TPGS2: variants seen among roughly 807,000 people sequenced by gnomAD.
TPGS2 encodes tubulin polyglutamylase complex subunit 2.
In TPGS2, 26 loss-of-function variants were observed where a neutral mutation model predicts 31.1. The ratio of observed to expected loss-of-function variants is 0.84; its 90% CI spans 0.61 to 1.16. The LOEUF is 1.16. Ranked by LOEUF, TPGS2 falls within the 50% of genes most tolerant of loss-of-function variation. The probability of loss-of-function intolerance (pLI) is 0.00; values close to 1 mark genes in which losing one functional copy is unlikely to be tolerated. For synonymous variants in TPGS2, 130 were observed against 136.6 expected, an observed-to-expected ratio of 0.95 and a Z score of 0.34; for missense variants, 351 against 363.8, an observed-to-expected ratio of 0.96 and a Z score of 0.29.
chr18:36,810,967 A>C (rs1433937043), intron 2 of TPGS2, among the ~76,000 whole-genome samples: 1 of 152,160 alleles, frequency 6.6e-6, no homozygotes, highest in African/African-American at 2.4e-5. Context: ...TTTAGAGGCC[A>C]CTTCCCAACT....
At chr18:36,822,308 C>T (rs2045929757) in intron 1 of TPGS2, among the ~76,000 whole-genome samples, 1 of 152,202 alleles carries the variant, frequency 6.6e-6, no homozygotes, top group Non-Finnish European at 1.5e-5. Context: ...AGAGGGAACA[C>T]TTCAGAAGCC....
At chr18:36,809,960 A>G (rs1425504015) in intron 2 of TPGS2, among the ~76,000 whole-genome samples, 1 of 152,218 alleles carries the variant, frequency 6.6e-6, no homozygotes, top group African/African-American at 2.4e-5. Context: ...TTTTATACCA[A>G]TATTTTTTAC....
rs2044532407 is a variant in TPGS2, at chr18:36,796,517, G to GT, written c.*287_*288insA. 8.2e-7 allele frequency: 1 copy of GT among 1,220,810 alleles called. No homozygotes were observed. 75.6% of individuals were successfully genotyped at this position (1,220,810 alleles called of 1,614,324 possible). ...ACCTCTCTAATCAATCAGTGCTAAG[G>GT]GATTGAGGGTTGAGTGTTGAAGAAG... On this transcript the variant is annotated 3_prime_UTR_variant, in exon 7 of 7. Coordinates refer to ENST00000334295, the MANE Select transcript of TPGS2 (RefSeq NM_015476.4).
chr18:36,819,524 C>T (rs1014716587), intron 1 of TPGS2, among the ~76,000 whole-genome samples: 9 of 152,114 alleles, frequency 5.9e-5, no homozygotes, highest in Non-Finnish European at 7.4e-5. Flanking sequence ...ATCCTTGAAG[C>T]GGGAAAAGGT....
Position 36,797,816 on chromosome 18 carries a change from C to A in TPGS2, c.657+633G>T, listed in dbSNP as rs1342294193. 2.6e-5 allele frequency among the ~76,000 whole-genome samples: 4 copies of A among 151,900 alleles called. No homozygotes were observed. In the East Asian group the frequency reaches 7.7e-4, roughly 29 times the overall value. ...AGGTTGTATACCTGGCATCTGTATG[C>A]CTGAAATGGTGACCAGACCTGTAAT... On this transcript the variant is annotated intron_variant, in intron 6 of 6. Transcript: ENST00000334295.
At chr18:36,791,133 A>G (rs1051739712), downstream of TPGS2, among the ~76,000 whole-genome samples, 1 of 152,068 alleles carries the variant, frequency 6.6e-6, no homozygotes, top group Non-Finnish European at 1.5e-5. Flanking sequence ...TCCTCCAGCC[A>G]TGTAAGATGT....
chr18:36,798,659 T>C, intron 5 of TPGS2, 50 bp from the exon 6 acceptor site: 1 of 1,581,850 alleles, frequency 6.3e-7, no homozygotes, highest in Non-Finnish European at 8.6e-7. Flanking sequence ...CTTAACAGTT[T>C]TTTCTTTTTA....
At chr18:36,824,237 A>G (rs2046034143) in intron 1 of TPGS2, among the ~76,000 whole-genome samples, 1 of 152,230 alleles carries the variant, frequency 6.6e-6, no homozygotes, top group South Asian at 2.1e-4. Context: ...ATATGGATAT[A>G]TCACATTTTA....
chr18:36,792,316 C>T (rs903421800), downstream of TPGS2, among the ~76,000 whole-genome samples: 5 of 152,140 alleles, frequency 3.3e-5, no homozygotes, highest in South Asian at 2.1e-4. Context: ...GGTCTACCTA[C>T]GGCATGCCTG....
chr18:36,823,043 GT>G (rs1414410293), intron 1 of TPGS2, among the ~76,000 whole-genome samples: 3 of 152,176 alleles, frequency 2.0e-5, no homozygotes, highest in Non-Finnish European at 2.9e-5. Context: ...TTGGGGGAAT[GT>G]TTTATATTGC....
chr18:36,783,351 C>T (rs543694766), intron 6 of TPGS2, among the ~76,000 whole-genome samples: 45 of 152,296 alleles, frequency 3.0e-4, no homozygotes, highest in African/African-American at 1.1e-3. Flanking sequence ...TATTCCTCAT[C>T]TGCCTGGTAA....
At chr18:36,784,183 C>A (rs1292345254) in intron 6 of TPGS2, among the ~76,000 whole-genome samples, 2 of 152,222 alleles carry the variant, frequency 1.3e-5, no homozygotes, top group Admixed American at 1.3e-4. Context: ...TTGTTATAAA[C>A]CACCAAGCTT....
At chr18:36,820,410 G>C (rs369376742) in intron 1 of TPGS2, among the ~76,000 whole-genome samples, 2 of 152,164 alleles carry the variant, frequency 1.3e-5, no homozygotes, top group South Asian at 4.1e-4. Context: ...CCAACATGTT[G>C]ACTTTAATAA....
chr18:36,788,859 C>A (rs757046381), intron 6 of TPGS2: 2 of 152,092 alleles, frequency 1.3e-5, no homozygotes, highest in Non-Finnish European at 2.9e-5. Context: ...AATGTTATTT[C>A]TTGAACAATT....
At chr18:36,820,323 C>T (rs1172959731) in intron 1 of TPGS2, among the ~76,000 whole-genome samples, 2 of 152,140 alleles carry the variant, frequency 1.3e-5, no homozygotes, top group East Asian at 1.9e-4. Context: ...TAGGTTCAGA[C>T]AAAACTACTG....
chr18:36,798,434 G>C lies in TPGS2; in HGVS notation c.657+15C>G, dbSNP rs547693923. The C allele has an allele frequency of 6.2e-7, 1 of 1,614,080 alleles. No individual in the cohort carries two copies. Among genetic ancestry groups the C allele is most frequent in the Admixed American group, 1.7e-5 (1 of 60,008 alleles). On this transcript the variant is annotated intron_variant, in intron 6 of 6. Coordinates refer to ENST00000334295, the MANE Select transcript of TPGS2 (RefSeq NM_015476.4). ...AATATACCATAGTTTACAATGGCAG[G>C]TGTTCCTCCCTTACCTTGGCCTGTG...
chr18:36,784,731 C>CTG (rs1443143796), intron 6 of TPGS2, among the ~76,000 whole-genome samples: 1 of 152,134 alleles, frequency 6.6e-6, no homozygotes, highest in Non-Finnish European at 1.5e-5. Context: ...TATAAAGAAA[C>CTG]TGAGGATGAG....
chr18:36,793,337 C>G (rs1040931139), downstream of TPGS2, among the ~76,000 whole-genome samples: 1 of 152,068 alleles, frequency 6.6e-6, no homozygotes, highest in African/African-American at 2.4e-5. Flanking sequence ...TGTCAGAGCT[C>G]GAAGAGATTC....
Position 36,828,957 on chromosome 18 carries a change from G to T in TPGS2, c.-190C>A, listed in dbSNP as rs1277521436. 15 of 996,560 alleles carry T rather than the reference G, an allele frequency of 1.5e-5. No homozygotes were observed. The highest frequency in any genetic ancestry group is 2.1e-5 in the Non-Finnish European group (15 of 710,136). The allele number at this position is 996,560 out of a possible 1,614,324, so 61.7% of individuals were successfully genotyped here. A position where few individuals can be genotyped will look rare whatever the true frequency, so the allele number is the denominator to read the frequency against. On this transcript the variant is annotated 5_prime_UTR_variant, in exon 1 of 7. Coordinates refer to ENST00000334295, the MANE Select transcript of TPGS2 (RefSeq NM_015476.4). The stretch of plus-strand genomic sequence containing the variant: ...GTGGGGCGCCGGTTCCCGCGGCCCC[G>T]CCCGGTGCCCCACACCGCACCTCCG...
Sources: allele counts gnomAD v4.1 joint callset (sites outside exome capture counted in the v4.1 genomes callset), GRCh38; gene constraint gnomAD v4.1.1; transcripts MANE v1.5; gene names NCBI Gene and HGNC (gene_info 2026-07-23, HGNC 2026-07-21).